CCDC146: variants seen among roughly 807,000 people sequenced by gnomAD.
CCDC146 encodes the protein coiled-coil domain-containing protein 146.
Under a neutral mutation model 119.3 loss-of-function variants are expected in CCDC146, and 92 were observed. That is an observed-to-expected ratio of 0.77 (90% CI 0.65 to 0.92). CCDC146 has a LOEUF of 0.92. Ranked by LOEUF, CCDC146 falls within the 40% of genes least tolerant of loss-of-function variation. The pLI is 0.00. For synonymous variants in CCDC146, 372 were observed against 371.8 expected, an observed-to-expected ratio of 1.00 and a Z score of -0.01; for missense variants, 1,000 against 1,103.0, an observed-to-expected ratio of 0.91 and a Z score of 1.32.
At chr7:77,286,735 T>C in intron 15 of CCDC146, 63 bp from the exon 16 acceptor site, 6 of 1,553,720 alleles carry the variant, frequency 3.9e-6, no homozygotes, top group Non-Finnish European at 4.4e-6. Flanking sequence ...CCCTAGGCAA[T>C]GTGATTTTCA....
intron 2 of CCDC146, among the ~76,000 whole-genome samples, chr7:77,212,992 G>T (rs1456189808): frequency 3.5e-5 from 5 of 144,752 alleles, no homozygotes; most frequent in African/African-American, 1.0e-4. Context: ...TTTCTAGGTG[G>T]TGCCATCAAC....
At chr7:77,172,768 G>C (rs1318462846) in intron 2 of CCDC146, among the ~76,000 whole-genome samples, 2 of 152,258 alleles carry the variant, frequency 1.3e-5, no homozygotes, top group East Asian at 3.9e-4. Flanking sequence ...TAAGATCATG[G>C]CTATCCACCA....
rs182106599 is a variant in CCDC146, at chr7:77,173,190, A to G, written c.156+5366A>G. ...TGGAACAAACCTGCACATTCTGCAC[A>G]CTTATCCCTTTATTTTTTTTAAGAA... On this transcript the variant is annotated intron_variant, in intron 2 of 18. Coordinates refer to ENST00000285871, the MANE Select transcript of CCDC146 (RefSeq NM_020879.3). 3.2e-3 allele frequency among the ~76,000 whole-genome samples: 485 copies of G among 152,222 alleles called. 3 individuals are homozygous for G. The highest frequency in any genetic ancestry group is 0.011 in the African/African-American group (455 of 41,534).
intron 1 of CCDC146, among the ~76,000 whole-genome samples, chr7:77,146,962 G>C (rs1339452589): frequency 2.0e-5 from 3 of 152,126 alleles, no homozygotes; most frequent in African/African-American, 7.2e-5. Flanking sequence ...GGCCTGCCTT[G>C]CTAGGTTGGG....
At chr7:77,181,725 T>C (rs937107215) in intron 2 of CCDC146, among the ~76,000 whole-genome samples, 1 of 152,198 alleles carries the variant, frequency 6.6e-6, no homozygotes, top group Non-Finnish European at 1.5e-5. Context: ...AAAATCTTCT[T>C]GTGAGTTTAT....
chr7:77,294,976 T>C lies in CCDC146; in HGVS notation c.*110T>C, dbSNP rs753852647. 4.8e-6 allele frequency: 4 copies of C among 827,790 alleles called. No individual in the cohort carries two copies. Among genetic ancestry groups the C allele is most frequent in the Non-Finnish European group, 7.4e-6 (4 of 538,222 alleles). 51.3% of individuals were successfully genotyped at this position (827,790 alleles called of 1,614,324 possible). ...CTTCTAATATTATTGATAAGTAAGGTAACCACAATTAGTCAGCAACAGAGT... is the reference window on the plus strand; with the variant it reads ...CTTCTAATATTATTGATAAGTAAGGCAACCACAATTAGTCAGCAACAGAGT... On this transcript the variant is annotated 3_prime_UTR_variant, in exon 19 of 19. Transcript: ENST00000285871.
At chr7:77,248,446 A>G (rs1350730521) in intron 4 of CCDC146, among the ~76,000 whole-genome samples, 1 of 152,230 alleles carries the variant, frequency 6.6e-6, no homozygotes, top group Non-Finnish European at 1.5e-5. Flanking sequence ...CCTGGTGTGC[A>G]TGTGCTTTTA....
At chr7:77,134,609 T>C (rs1429276105) in intron 1 of CCDC146, among the ~76,000 whole-genome samples, 1 of 150,342 alleles carries the variant, frequency 6.7e-6, no homozygotes, top group Non-Finnish European at 1.5e-5. Context: ...CTATGGGGTA[T>C]GCATGTTCTC....
At chr7:77,185,683 G>T (rs1791656737) in intron 2 of CCDC146, among the ~76,000 whole-genome samples, 1 of 152,182 alleles carries the variant, frequency 6.6e-6, no homozygotes, top group Non-Finnish European at 1.5e-5. Context: ...TCAATGTCTA[G>T]TTACAGACAA....
At chr7:77,175,336 CT>C (rs1238970282) in intron 2 of CCDC146, among the ~76,000 whole-genome samples, 1 of 149,486 alleles carries the variant, frequency 6.7e-6, no homozygotes, top group Non-Finnish European at 1.5e-5. Context: ...AGTCTTTGAC[CT>C]GACTTAGCCA....
At chr7:77,231,551 A>C (rs1455061886) in intron 2 of CCDC146, among the ~76,000 whole-genome samples, 1 of 152,002 alleles carries the variant, frequency 6.6e-6, no homozygotes, top group Non-Finnish European at 1.5e-5. Flanking sequence ...AAGTTTACCG[A>C]TTGATTCTTC....
In CCDC146 at chr7:77,245,951, G is replaced by A. The variant is rs541958339; in HGVS notation, c.449+4051G>A. ...TTAGTTAGAACAGGTTTCTCTGAAT[G>A]TGTTTCTCATTACTCAAAAAGAAGC... On this transcript the variant is annotated intron_variant, in intron 4 of 18. Coordinates refer to ENST00000285871, the MANE Select transcript of CCDC146 (RefSeq NM_020879.3). Among the ~76,000 whole-genome samples the A allele has an allele frequency of 3.9e-4, 59 of 152,182 alleles. 3 individuals are homozygous for A. The East Asian group carries it at 0.011, about 29-fold the overall frequency.
chr7:77,240,959 G>A (rs6975935), intron 3 of CCDC146, among the ~76,000 whole-genome samples: 8 of 143,056 alleles, frequency 5.6e-5, no homozygotes, highest in East Asian at 2.0e-4. Context: ...TTTAAATCAC[G>A]TTGACATTTT....
In CCDC146 at chr7:77,280,644, G is replaced by A. The variant is rs773685054; in HGVS notation, c.1910G>A (p.Arg637Gln). The A allele has an allele frequency of 2.0e-5, 32 of 1,608,876 alleles. No individual in the cohort carries two copies. The highest frequency in any genetic ancestry group is 2.4e-5 in the Non-Finnish European group (28 of 1,177,436). ...RKRYEKAVQH[R>Q]NESGVQLIER... The stretch of plus-strand genomic sequence containing the variant: ...AGATACGAAAAAGCTGTTCAGCATC[G>A]AAATGAAAGGTAAAAACCAGGTGTG... The change falls in exon 14 of 19, where the codon CGA (arginine) becomes CAA (glutamine). Residue 637 changes from arginine (R) to glutamine (Q), a missense_variant. Transcript: ENST00000285871.
At chr7:77,137,924 C>A (rs1790881511) in intron 1 of CCDC146, among the ~76,000 whole-genome samples, 1 of 150,730 alleles carries the variant, frequency 6.6e-6, no homozygotes, top group Non-Finnish European at 1.5e-5. Context: ...GACTAGGGGG[C>A]TTAAATAACA....
chr7:77,200,562 G>A (rs1025381335), intron 2 of CCDC146, among the ~76,000 whole-genome samples: 3 of 152,184 alleles, frequency 2.0e-5, no homozygotes, highest in African/African-American at 7.2e-5. Flanking sequence ...ATCTTCCACA[G>A]CTGCTCAAAT....
chr7:77,169,554 G>A (rs751611718), intron 2 of CCDC146, among the ~76,000 whole-genome samples: 3 of 152,164 alleles, frequency 2.0e-5, no homozygotes, highest in Non-Finnish European at 4.4e-5. Flanking sequence ...TTTATTAGGT[G>A]GCTTTCTACT....
chr7:77,197,142 C>A (rs1791889445), intron 2 of CCDC146, among the ~76,000 whole-genome samples: 1 of 152,164 alleles, frequency 6.6e-6, no homozygotes, highest in Admixed American at 6.6e-5. Flanking sequence ...ATGCTTAAGG[C>A]CTCACAAGAA....
In CCDC146 at chr7:77,242,560, A is replaced by G. The variant is rs117598209; in HGVS notation, c.449+660A>G. The G allele has an allele frequency of 3.3e-4, 59 of 178,540 alleles. No homozygotes were observed. The East Asian group carries it at 0.011, about 33-fold the overall frequency. 11.1% of individuals were successfully genotyped at this position (178,540 alleles called of 1,614,324 possible). A position where few individuals can be genotyped will look rare whatever the true frequency, so the allele number is the denominator to read the frequency against. On this transcript the variant is annotated intron_variant, in intron 4 of 18. Coordinates refer to ENST00000285871, the MANE Select transcript of CCDC146 (RefSeq NM_020879.3). ...ATCTCTTCTAACATTCCCCCCATGG[A>G]GTAGCAAGTCACTGGAGGAGTTTGT...
Sources: allele counts gnomAD v4.1 joint callset (sites outside exome capture counted in the v4.1 genomes callset), GRCh38; gene constraint gnomAD v4.1.1; transcripts MANE v1.5; gene names NCBI Gene and HGNC (gene_info 2026-07-23, HGNC 2026-07-21).